NLRP14: variants seen among roughly 807,000 people sequenced by gnomAD.
NLRP14 encodes NACHT, LRR and PYD domains-containing protein 14.
NLRP14 carries 105 observed loss-of-function variants against 94.7 expected under a neutral mutation model. The observed-to-expected ratio is 1.11, with a 90% CI of 0.95 to 1.30. NLRP14 has a LOEUF of 1.30. NLRP14 is among the 50% of genes most tolerant of loss of function. NLRP14 has a pLI of 0.00. For missense variants in NLRP14, 1,362 were observed against 1,254.1 expected (o/e 1.09, Z -1.30); for synonymous variants, 508 against 459.9 (o/e 1.10, Z -1.34).
rs138514353 is a variant in NLRP14 at position 7,034,557 on chromosome 11, T to A, written c.-21-4009T>A. 6.4e-3 allele frequency among the ~76,000 whole-genome samples: 971 copies of A among 152,352 alleles called. 6 individuals carry two copies. The highest frequency in any genetic ancestry group is 0.011 in the Non-Finnish European group (734 of 68,024). ...GTGGTTTTATTAATTTACACTTCAG[T>A]TGTTTATTTGCCATATTCCCTGTAA... On this transcript the variant is annotated intron_variant, in intron 1 of 11. Coordinates refer to ENST00000299481, the MANE Select transcript of NLRP14 (RefSeq NM_176822.4).
At chr11:7,068,944 G>A (rs939927881) in intron 10 of NLRP14, among the ~76,000 whole-genome samples, 5 of 152,176 alleles carry the variant, frequency 3.3e-5, no homozygotes, top group African/African-American at 1.2e-4. Flanking sequence ...GCCAGCTACT[G>A]TGCCTGGGCA....
At chr11:7,035,383 TG>T (rs963012340) in intron 1 of NLRP14, among the ~76,000 whole-genome samples, 2 of 152,116 alleles carry the variant, frequency 1.3e-5, no homozygotes, top group Non-Finnish European at 2.9e-5. Flanking sequence ...TTTTTTCAAC[TG>T]GGGGGAAATT....
chr11:7,089,058 G>C, the NLRP14 span: 15 of 1,561,684 alleles, frequency 9.6e-6, 1 homozygote, highest in South Asian at 1.5e-4. Context: ...CGAGCTCGAA[G>C]GCTGCGACTG....
At chr11:7,052,129 G>A (rs1317977689) in intron 6 of NLRP14, among the ~76,000 whole-genome samples, 2 of 152,152 alleles carry the variant, frequency 1.3e-5, no homozygotes, top group Admixed American at 6.5e-5. Flanking sequence ...CCTTGGCATA[G>A]TCCAATAATT....
At chr11:7,079,984 G>T in the NLRP14 span, among the ~76,000 whole-genome samples, 4 of 152,196 alleles carry the variant, frequency 2.6e-5, no homozygotes, top group African/African-American at 9.6e-5. Flanking sequence ...AGCAGATGTG[G>T]AATGTGGGCT....
chr11:7,058,956 C>T (rs942572134), intron 8 of NLRP14, among the ~76,000 whole-genome samples: 1 of 151,888 alleles, frequency 6.6e-6, no homozygotes, highest in African/African-American at 2.4e-5. Context: ...AATTGCCTTC[C>T]AGATAGATTA....
chr11:7,084,948 A>G, the NLRP14 span, among the ~76,000 whole-genome samples: 147,516 of 152,252 alleles, frequency 0.97, 71,625 homozygotes, highest in Middle Eastern at 1. Context: ...AAATTGAATT[A>G]TAGGACACCC....
the NLRP14 span, among the ~76,000 whole-genome samples, chr11:7,086,428 A>T: frequency 6.6e-6 from 1 of 152,162 alleles, no homozygotes; most frequent in African/African-American, 2.4e-5. Flanking sequence ...TCCACTATGC[A>T]CAGAATTTGT....
Position 7,038,435 on chromosome 11 carries a change from C to T in NLRP14, c.-21-131C>T, listed in dbSNP as rs879806332. 6.7e-5 allele frequency: 48 copies of T among 719,252 alleles called. 1 individual carries two copies. Among genetic ancestry groups the T allele is most frequent in the Middle Eastern group, 3.9e-4 (1 of 2,596 alleles). 44.6% of individuals were successfully genotyped at this position (719,252 alleles called of 1,614,324 possible). A position where few individuals can be genotyped will look rare whatever the true frequency, so the allele number is the denominator to read the frequency against. On this transcript the variant is annotated intron_variant, in intron 1 of 11. Transcript: ENST00000299481. ...ATTACAGAGGACACTAGGTCAGTAC[C>T]GAGCCTAATACAGTGGGCTTCTGCA...
intron 9 of NLRP14, among the ~76,000 whole-genome samples, chr11:7,061,421 C>T (rs780163078): frequency 3.9e-5 from 6 of 152,008 alleles, no homozygotes; most frequent in Non-Finnish European, 7.4e-5. Flanking sequence ...ACTTTCTGTC[C>T]TTAGCATTGC....
rs551685352 is a variant in NLRP14, at chr11:7,038,339, A to T, written c.-21-227A>T. On this transcript the variant is annotated intron_variant, in intron 1 of 11. Coordinates refer to ENST00000299481, the MANE Select transcript of NLRP14 (RefSeq NM_176822.4). ...TCATAAGTGGTAGGACTGGGAACAG[A>T]TCATAAGAAGATGGAATAAATATAC... Among the ~76,000 whole-genome samples, 6 of 152,334 alleles carry T rather than the reference A, an allele frequency of 3.9e-5. No individual in the cohort carries two copies. The East Asian group carries it at 1.2e-3, about 29-fold the overall frequency.
At chr11:7,080,172 C>T in the NLRP14 span, among the ~76,000 whole-genome samples, 1 of 152,200 alleles carries the variant, frequency 6.6e-6, no homozygotes, top group African/African-American at 2.4e-5. Context: ...TCCTGGGGAC[C>T]CCATTTGCAG....
chr11:7,072,345 T>C (rs748258309), downstream of NLRP14, among the ~76,000 whole-genome samples: 3 of 152,172 alleles, frequency 2.0e-5, 1 homozygote, highest in Non-Finnish European at 4.4e-5. Flanking sequence ...CAGCCGGAAG[T>C]CTAGTGATTC....
downstream of NLRP14, among the ~76,000 whole-genome samples, chr11:7,074,465 C>T (rs761149481): frequency 7.9e-5 from 12 of 152,236 alleles, no homozygotes; most frequent in Admixed American, 6.5e-4. Flanking sequence ...CTGCAGTCAT[C>T]GTCTCATCCT....
At chr11:7,046,074 T>A (rs977199603) in intron 4 of NLRP14, among the ~76,000 whole-genome samples, 1 of 152,132 alleles carries the variant, frequency 6.6e-6, no homozygotes, top group Non-Finnish European at 1.5e-5. Context: ...TTCCTAATAA[T>A]TAAATTATAA....
chr11:7,069,350 G>A (rs1004933518), intron 10 of NLRP14, among the ~76,000 whole-genome samples: 3 of 152,152 alleles, frequency 2.0e-5, no homozygotes. Context: ...CAATGGCCAG[G>A]TAAACATAAG....
intron 5 of NLRP14, among the ~76,000 whole-genome samples, chr11:7,047,188 T>A (rs1215116082): frequency 2.0e-5 from 3 of 152,248 alleles, no homozygotes. Context: ...AAATTTGCAT[T>A]TAACAAAGTC....
At chr11:7,081,058 C>T in the NLRP14 span, among the ~76,000 whole-genome samples, 4 of 149,348 alleles carry the variant, frequency 2.7e-5, no homozygotes, top group African/African-American at 7.4e-5. Context: ...TCTTCCTGGC[C>T]GGAGGGGTCT....
intron 5 of NLRP14, 43 bp downstream of exon 5, chr11:7,046,875 CT>C: frequency 6.9e-7 from 1 of 1,449,152 alleles, no homozygotes; most frequent in African/African-American, 1.4e-5. Flanking sequence ...ATTCTAATTT[CT>C]TTCTGTGTCC....
Sources: allele counts gnomAD v4.1 joint callset (sites outside exome capture counted in the v4.1 genomes callset), GRCh38; gene constraint gnomAD v4.1.1; transcripts MANE v1.5; gene names NCBI Gene and HGNC (gene_info 2026-07-23, HGNC 2026-07-21).